SCAF8: variants seen among roughly 807,000 people sequenced by gnomAD.
SCAF8 encodes SR-related and CTD-associated factor 8.
In SCAF8, 23 loss-of-function variants were observed where a neutral mutation model predicts 140.5. The observed-to-expected ratio is 0.16, with a 90% CI of 0.12 to 0.23. SCAF8 has a LOEUF of 0.23. SCAF8 is among the 10% of genes least tolerant of loss of function. The pLI is 1.00. For missense variants in SCAF8, 1,397 were observed against 1,555.7 expected (o/e 0.90, Z 1.72); for synonymous variants, 575 against 528.9 (o/e 1.09, Z -1.20).
chr6:154,808,183 C>G lies in SCAF8; in HGVS notation c.1095C>G (p.Ser365=). 6.2e-7 allele frequency: 1 copy of G among 1,613,576 alleles called. No individual in the cohort carries two copies. ...FLEPEVNLDD[S]IDIQQQDMDI... Reference sequence around the variant, plus strand: ...AACCTGAAGTCAATTTGGATGATTCCATAGATATTCAGCAACAGGTAAAAG... The same window carrying G: ...AACCTGAAGTCAATTTGGATGATTCGATAGATATTCAGCAACAGGTAAAAG... The change falls in exon 10 of 20, where the codon TCC becomes TCG. Residue 365 remains serine, a synonymous_variant. Coordinates refer to ENST00000367178, the MANE Select transcript of SCAF8 (RefSeq NM_014892.5).
Position 154,784,151 on chromosome 6 carries a change from A to T in SCAF8, c.160-3710A>T, listed in dbSNP as rs867632671. On this transcript the variant is annotated intron_variant, in intron 3 of 19. Transcript: ENST00000367178. ...TATATATATATATATATATATATAT[A>T]TATATATTTATTTATTTATTTTTCA... Among the ~76,000 whole-genome samples, 69 of 97,594 alleles carry T rather than the reference A, an allele frequency of 7.1e-4. 3 individuals carry two copies. Among genetic ancestry groups the T allele is most frequent in the South Asian group, 2.2e-3 (6 of 2,724 alleles). The allele number at this position is 97,594 out of a possible 152,430, so 64.0% of individuals were successfully genotyped here. A position where few individuals can be genotyped will look rare whatever the true frequency, so the allele number is the denominator to read the frequency against.
At chr6:154,741,732 A>G (rs1778575130) in intron 1 of SCAF8, among the ~76,000 whole-genome samples, 1 of 152,164 alleles carries the variant, frequency 6.6e-6, no homozygotes, top group African/African-American at 2.4e-5. Context: ...CAGAAGGGGT[A>G]TCAGTGGCTT....
At chr6:154,763,193 C>T (rs1352588717) in intron 1 of SCAF8, among the ~76,000 whole-genome samples, 1 of 152,060 alleles carries the variant, frequency 6.6e-6, no homozygotes, top group Non-Finnish European at 1.5e-5. Context: ...AATTTTTATA[C>T]CTTTTTCTTT....
At position 154,825,868 on chromosome 6, in the gene SCAF8, C is replaced by T. The variant is rs140344728; in HGVS notation, c.2072-1304C>T. Among the ~76,000 whole-genome samples the T allele has an allele frequency of 8.4e-3, 1,272 of 152,032 alleles. 8 individuals are homozygous for T. Among genetic ancestry groups the T allele is most frequent in the Non-Finnish European group, 0.015 (993 of 67,994 alleles). The stretch of plus-strand genomic sequence containing the variant: ...ATTATATACGCATATTGATGAGATA[C>T]GCATTTAAGTTATAGTCTTTACCTA... On this transcript the variant is annotated intron_variant, in intron 17 of 19. Coordinates refer to ENST00000367178, the MANE Select transcript of SCAF8 (RefSeq NM_014892.5).
At position 154,827,227 on chromosome 6, in the gene SCAF8, A is replaced by G; in HGVS notation, c.2127A>G (p.Pro709=). The change falls in exon 18 of 20, where the codon CCA becomes CCG. Residue 709 remains proline (P), a synonymous_variant. Transcript: ENST00000367178. ...PPVVPPPTIP[P]VVPTSLVQPS... ...TTGTGCCACCCCCTACGATTCCACC[A>G]GTAGTACCAACATGTAAGTTTTCTA... 6.2e-7 allele frequency: 1 copy of G among 1,602,206 alleles called. No individual in the cohort carries two copies. Among genetic ancestry groups the G allele is most frequent in the Non-Finnish European group, 8.5e-7 (1 of 1,174,838 alleles).
At chr6:154,789,355 C>T (rs182727918) in intron 4 of SCAF8, among the ~76,000 whole-genome samples, 10 of 152,156 alleles carry the variant, frequency 6.6e-5, no homozygotes, top group Non-Finnish European at 1.3e-4. Flanking sequence ...TTGTGATCCG[C>T]CCACCATGGC....
chr6:154,793,621 C>T (rs576776286), intron 5 of SCAF8, among the ~76,000 whole-genome samples: 20 of 151,634 alleles, frequency 1.3e-4, no homozygotes, highest in African/African-American at 4.1e-4. Flanking sequence ...TGGAGAGCAG[C>T]CTGGCCAATA....
intron 7 of SCAF8, among the ~76,000 whole-genome samples, chr6:154,803,076 T>G (rs1407088957): frequency 6.6e-6 from 1 of 152,166 alleles, no homozygotes; most frequent in Non-Finnish European, 1.5e-5. Flanking sequence ...GGATTATTAC[T>G]TAGACTGTTT....
intron 9 of SCAF8, 134 bp from the exon 10 acceptor site, chr6:154,807,936 G>C: frequency 1.4e-6 from 1 of 707,586 alleles, no homozygotes; most frequent in South Asian, 2.8e-5. Flanking sequence ...CTTTATAAAT[G>C]ATTTAACATG....
At chr6:154,760,187 G>A (rs1779067547) in intron 1 of SCAF8, among the ~76,000 whole-genome samples, 1 of 152,076 alleles carries the variant, frequency 6.6e-6, no homozygotes, top group South Asian at 2.1e-4. Flanking sequence ...CCAGCTACCT[G>A]GGAGGCTGAG....
chr6:154,761,084 G>T (rs1228080004), intron 1 of SCAF8, among the ~76,000 whole-genome samples: 1 of 152,048 alleles, frequency 6.6e-6, no homozygotes, highest in Admixed American at 6.6e-5. Flanking sequence ...GGATTTATAG[G>T]TGTGAGCCAT....
rs574006370 is a variant in SCAF8 at position 154,801,854 on chromosome 6, G to A, written c.607-117G>A. The A allele has an allele frequency of 9.8e-5, 62 of 629,804 alleles. 1 individual carries two copies. In the African/African-American group the frequency reaches 1.1e-3, roughly 11 times the overall value. The allele number at this position is 629,804 out of a possible 1,614,324, so 39.0% of individuals were successfully genotyped here. A position where few individuals can be genotyped will look rare whatever the true frequency, so the allele number is the denominator to read the frequency against. ...CAAAAAATTAACTTATTAATAGTGT[G>A]TATTTTTTTCAAAGAGAGTGTGGAA... is the stretch of plus-strand genomic sequence containing the variant. On this transcript the variant is annotated intron_variant, in intron 6 of 19. Transcript: ENST00000367178.
intron 15 of SCAF8, among the ~76,000 whole-genome samples, chr6:154,821,147 C>T (rs1227863220): frequency 6.6e-6 from 1 of 152,112 alleles, no homozygotes; most frequent in Non-Finnish European, 1.5e-5. Context: ...ATTTTAGGAA[C>T]TGGAATTATG....
At chr6:154,794,924 G>C (rs1216619821) in intron 5 of SCAF8, 85 bp from the exon 6 acceptor site, 1 of 1,247,156 alleles carries the variant, frequency 8.0e-7, no homozygotes, top group African/African-American at 1.5e-5. Flanking sequence ...TTTTATAAAA[G>C]TAATAAAACA....
intron 1 of SCAF8, among the ~76,000 whole-genome samples, chr6:154,769,697 T>C (rs770129592): frequency 6.6e-6 from 1 of 152,238 alleles, no homozygotes; most frequent in Non-Finnish European, 1.5e-5. Flanking sequence ...GTTTAACAAC[T>C]TTTAATAAGG....
At chr6:154,750,422 T>C (rs1778810433) in intron 1 of SCAF8, among the ~76,000 whole-genome samples, 1 of 152,062 alleles carries the variant, frequency 6.6e-6, no homozygotes, top group South Asian at 2.1e-4. Context: ...GAGGAAGATC[T>C]TGTAGAATCT....
Position 154,733,651 on chromosome 6 carries a change from C to G in SCAF8, c.-250C>G. On this transcript the variant is annotated 5_prime_UTR_variant, in exon 1 of 20. Coordinates refer to ENST00000367178, the MANE Select transcript of SCAF8 (RefSeq NM_014892.5). The stretch of plus-strand genomic sequence containing the variant: ...TCCCCCGCCCGCCGCCGACCCGCCC[C>G]GGCAGCGCCTCTGTTCCCTAGAACG... The G allele has an allele frequency of 1.6e-6, 2 of 1,289,824 alleles. No individual in the cohort carries two copies. The highest frequency in any genetic ancestry group is 2.5e-5 in the South Asian group (1 of 39,772). 79.9% of individuals were successfully genotyped at this position (1,289,824 alleles called of 1,614,324 possible). A position where few individuals can be genotyped will look rare whatever the true frequency, so the allele number is the denominator to read the frequency against.
intron 4 of SCAF8, among the ~76,000 whole-genome samples, chr6:154,790,083 G>A (rs1017074905): frequency 6.6e-6 from 1 of 152,094 alleles, no homozygotes; most frequent in African/African-American, 2.4e-5. Context: ...TATGGAATAG[G>A]GCTTTCTTTT....
chr6:154,831,121 T>C lies in SCAF8; in HGVS notation c.2340T>C (p.Ser780=). 1.2e-6 allele frequency: 2 copies of C among 1,604,240 alleles called. No individual in the cohort carries two copies. The highest frequency in any genetic ancestry group is 1.7e-6 in the Non-Finnish European group (2 of 1,171,658). Residue 780 remains serine (S), a synonymous_variant, in exon 19 of 20, where the codon TCT becomes TCC. Coordinates refer to ENST00000367178, the MANE Select transcript of SCAF8 (RefSeq NM_014892.5). ...ATCTTATAGACCACCAGATTTCTTC[T>C]GGTGAAAACACCAGATCAGGTAAAT... ...VPHLIDHQIS[S]GENTRSVIPN...
Sources: allele counts gnomAD v4.1 joint callset (sites outside exome capture counted in the v4.1 genomes callset), GRCh38; gene constraint gnomAD v4.1.1; transcripts MANE v1.5; gene names NCBI Gene and HGNC (gene_info 2026-07-23, HGNC 2026-07-21).